Variants in TSHR observed in about 807,000 individuals in gnomAD.
TSHR encodes thyroid stimulating hormone receptor, also known as thyrotropin receptor.
TSHR carries 51 observed loss-of-function variants against 64.1 expected under a neutral mutation model. The ratio of observed to expected loss-of-function variants is 0.80; its 90% CI spans 0.64 to 1.01. The LOEUF (loss-of-function observed/expected upper bound fraction) is 1.01. TSHR is among the 50% of genes least tolerant of loss of function. The probability of loss-of-function intolerance (pLI) is 0.00; values close to 1 mark genes in which losing one functional copy is unlikely to be tolerated. For synonymous variants in TSHR, 361 were observed against 361.9 expected (o/e 1.00, Z 0.03); for missense variants, 877 against 942.8 (o/e 0.93, Z 0.91).
chr14:81,021,561 C>G (rs952988367), intron 1 of TSHR, among the ~76,000 whole-genome samples: 2 of 152,164 alleles, frequency 1.3e-5, no homozygotes, highest in African/African-American at 4.8e-5. Context: ...AAATCATGTT[C>G]TTTTGCCCCT....
chr14:80,968,682 G>A (rs1298359768), intron 1 of TSHR, among the ~76,000 whole-genome samples: 1 of 152,126 alleles, frequency 6.6e-6, no homozygotes. Flanking sequence ...ATATATAGCT[G>A]CTGTATTTTC....
At chr14:80,996,900 A>G (rs1889051215) in intron 1 of TSHR, among the ~76,000 whole-genome samples, 1 of 152,122 alleles carries the variant, frequency 6.6e-6, no homozygotes, top group African/African-American at 2.4e-5. Context: ...TTGCTGCTCT[A>G]TTCTCTAGGA....
intron 4 of TSHR, among the ~76,000 whole-genome samples, chr14:81,088,469 T>A (rs867732000): frequency 6.6e-6 from 1 of 152,046 alleles, no homozygotes; most frequent in Admixed American, 6.6e-5. Context: ...AGTTTCAACC[T>A]CCCACTCCAG....
intron 1 of TSHR, among the ~76,000 whole-genome samples, chr14:80,971,813 CT>C (rs1179935841): frequency 6.6e-6 from 1 of 152,186 alleles, no homozygotes; most frequent in African/African-American, 2.4e-5. Context: ...TTGACAGTTA[CT>C]TTGGCAACTG....
chr14:81,060,934 A>G (rs1259042066), intron 1 of TSHR, among the ~76,000 whole-genome samples: 1 of 152,166 alleles, frequency 6.6e-6, no homozygotes, highest in African/African-American at 2.4e-5. Flanking sequence ...GTGGAGAGGC[A>G]TACTGGAATG....
chr14:81,128,644 C>T (rs964078389), intron 8 of TSHR, among the ~76,000 whole-genome samples: 9 of 152,156 alleles, frequency 5.9e-5, no homozygotes, highest in African/African-American at 2.2e-4. Flanking sequence ...TTCTTTCCTC[C>T]TCATGGTTCT....
intron 3 of TSHR, among the ~76,000 whole-genome samples, chr14:81,077,539 T>C (rs1384101140): frequency 6.6e-6 from 1 of 152,170 alleles, no homozygotes; most frequent in Non-Finnish European, 1.5e-5. Flanking sequence ...GTTACTATCA[T>C]TTTACAGCCA....
At chr14:81,045,102 A>G (rs1284352890) in intron 1 of TSHR, among the ~76,000 whole-genome samples, 1 of 152,226 alleles carries the variant, frequency 6.6e-6, no homozygotes, top group African/African-American at 2.4e-5. Flanking sequence ...TTGCAGGGAC[A>G]TGGATGGAGT....
chr14:80,989,947 C>T (rs1305864758), intron 1 of TSHR, among the ~76,000 whole-genome samples: 2 of 152,168 alleles, frequency 1.3e-5, no homozygotes, highest in Non-Finnish European at 2.9e-5. Flanking sequence ...GCTATGCTGC[C>T]TATGCAATTG....
chr14:81,072,457 A>C (rs1164884985), intron 3 of TSHR, among the ~76,000 whole-genome samples: 1 of 152,208 alleles, frequency 6.6e-6, no homozygotes, highest in Admixed American at 6.5e-5. Flanking sequence ...CTCACAGGGC[A>C]GCTACTAAAA....
chr14:81,121,046 C>T (rs1015909450), intron 8 of TSHR, among the ~76,000 whole-genome samples: 6 of 151,854 alleles, frequency 4.0e-5, no homozygotes, highest in Non-Finnish European at 7.4e-5. Flanking sequence ...ATTCAAGCCA[C>T]GAGGTCCACA....
chr14:81,015,162 C>T (rs1402022155), intron 1 of TSHR, among the ~76,000 whole-genome samples: 1 of 152,092 alleles, frequency 6.6e-6, no homozygotes, highest in Non-Finnish European at 1.5e-5. Context: ...AACCAAAATC[C>T]TTTTGTTTGA....
chr14:81,057,243 T>C (rs1885879800), intron 1 of TSHR, among the ~76,000 whole-genome samples: 1 of 152,100 alleles, frequency 6.6e-6, no homozygotes, highest in Non-Finnish European at 1.5e-5. Context: ...AAACCCCGTC[T>C]CTACTGAAAA....
At chr14:81,137,944 G>A (rs1207335197) in intron 8 of TSHR, among the ~76,000 whole-genome samples, 1 of 152,130 alleles carries the variant, frequency 6.6e-6, no homozygotes, top group Admixed American at 6.5e-5. Flanking sequence ...CTTCCAGAAA[G>A]CTGGAATTGA....
chr14:81,032,457 A>C (rs898078976), intron 1 of TSHR: 2 of 311,306 alleles, frequency 6.4e-6, no homozygotes, highest in African/African-American at 2.2e-5. Context: ...AGGTTCAAAG[A>C]ATTTCCCTTG....
rs117989302 is a variant in TSHR at position 81,112,878 on chromosome 14, G to A, written c.692+4426G>A. Among the ~76,000 whole-genome samples the A allele has an allele frequency of 6.5e-4, 99 of 152,322 alleles. No homozygotes were observed. The East Asian group carries it at 9.8e-3, about 15-fold the overall frequency. On this transcript the variant is annotated intron_variant, in intron 8 of 9. Transcript: ENST00000298171. ...GAGGAATAGCAAGGAGGCCATTGCC[G>A]CTCAAACAGAGTAAAGTAAACGGGG... is the stretch of plus-strand genomic sequence containing the variant.
chr14:81,117,729 G>A (rs1299897554), intron 8 of TSHR, among the ~76,000 whole-genome samples: 1 of 42,902 alleles, frequency 2.3e-5, no homozygotes, highest in Non-Finnish European at 4.2e-5. Context: ...CCAAAAAAGA[G>A]AATTTTAGAC....
At chr14:80,966,617 A>C (rs1461575457) in intron 1 of TSHR, among the ~76,000 whole-genome samples, 3 of 152,218 alleles carry the variant, frequency 2.0e-5, no homozygotes, top group Non-Finnish European at 2.9e-5. Context: ...TTAAAAAAGT[A>C]AAACAGAGAA....
chr14:81,033,024 T>C lies in TSHR; in HGVS notation c.171-29124T>C, dbSNP rs1884429129. The C allele has an allele frequency of 1.9e-5, 7 of 361,668 alleles. No individual in the cohort carries two copies. The South Asian group carries it at 2.1e-4, about 11-fold the overall frequency. The allele number at this position is 361,668 out of a possible 1,614,324, so 22.4% of individuals were successfully genotyped here. On this transcript the variant is annotated intron_variant, in intron 1 of 9. Coordinates refer to ENST00000298171, the MANE Select transcript of TSHR (RefSeq NM_000369.5). ...GTGGGGCAGATTTACTGGAGTCCTT[T>C]GGTGTTCCCAATTTCTGGAAGAGTG...
Sources: gnomAD v4.1 joint callset for allele counts (sites outside exome capture counted in the v4.1 genomes callset) on GRCh38, gnomAD v4.1.1 for gene constraint, MANE v1.5 for transcripts, NCBI Gene and HGNC (gene_info 2026-07-23, HGNC 2026-07-21) for gene names.